The following DONSON variants were observed in gnomAD, a reference collection of about 807,000 sequenced individuals.
DONSON encodes the protein protein downstream neighbor of Son.
In DONSON, 43 loss-of-function variants were observed where a neutral mutation model predicts 62.1. The observed-to-expected ratio is 0.69, with a 90% CI of 0.54 to 0.89. The LOEUF (loss-of-function observed/expected upper bound fraction) is 0.89. DONSON is among the 40% of genes least tolerant of loss of function. The pLI is 0.00. For synonymous variants in DONSON, 266 were observed against 264.6 expected (o/e 1.01, Z -0.05); for missense variants, 696 against 697.5 (o/e 1.00, Z 0.03).
rs778020919 is a variant in DONSON, at chr21:33,588,361, G to C, written c.281C>G (p.Pro94Arg). 2.1e-5 allele frequency: 27 copies of C among 1,293,836 alleles called. No individual in the cohort carries two copies. The South Asian group carries it at 5.4e-4, about 26-fold the overall frequency. The allele number at this position is 1,293,836 out of a possible 1,614,324, so 80.1% of individuals were successfully genotyped here. ...DNRPRVAAEP[P>R]DGPAREQPEA... ...CGGCTGCTCGCGGGCCGGCCCGTCG[G>C]GGGGCTCCGCGGCGACCCGCGGTCG... The change falls in exon 1 of 10, where the codon CCC becomes CGC. Residue 94 changes from proline to arginine, a missense_variant. Pro to Arg is a moderately radical substitution (Grantham distance 103). Transcript: ENST00000303071.
chr21:33,584,508 T>C (rs1449419481), intron 4 of DONSON, 82 bp downstream of exon 4: 9 of 1,336,382 alleles, frequency 6.7e-6, no homozygotes, highest in Non-Finnish European at 8.1e-6. Flanking sequence ...GCCATTAACG[T>C]ATCCAGTCAC....
intron 4 of DONSON, 59 bp downstream of exon 4, chr21:33,584,531 G>A (rs2086556625): frequency 2.8e-6 from 4 of 1,441,438 alleles, no homozygotes; most frequent in Non-Finnish European, 3.7e-6. Context: ...ATATGATAGA[G>A]AATGCTGCTA....
In DONSON at chr21:33,579,659, CTCTTT is replaced by C. The variant is rs573093753; in HGVS notation, c.1351-102_1351-98del. The stretch of plus-strand genomic sequence containing the variant: ...AATATATTTCCATTTGGGGTTTCCT[CTCTTT>C]TAACAATTATGGAATAAAACTATTT... On this transcript the variant is annotated intron_variant, in intron 8 of 9. Coordinates refer to ENST00000303071, the MANE Select transcript of DONSON (RefSeq NM_017613.4). 395 of 932,022 alleles carry C rather than the reference CTCTTT, an allele frequency of 4.2e-4. No individual in the cohort carries two copies. The African/African-American group carries it at 4.9e-3, about 12-fold the overall frequency. 57.7% of individuals were successfully genotyped at this position (932,022 alleles called of 1,614,324 possible).
At chr21:33,583,220 A>AAAAAAAAAAAAAAAAAAC (rs2086536425) in intron 5 of DONSON, among the ~76,000 whole-genome samples, 1 of 138,558 alleles carries the variant, frequency 7.2e-6, no homozygotes, top group Non-Finnish European at 1.5e-5. Flanking sequence ...AAAAAAAAAA[A>AAAAAAAAAAAAAAAAAAC]AAAAAGAATG....
chr21:33,586,487 TC>T (rs1015692025), intron 2 of DONSON, among the ~76,000 whole-genome samples: 37 of 152,308 alleles, frequency 2.4e-4, no homozygotes, highest in Non-Finnish European at 4.3e-4. Flanking sequence ...GTAGAAATAT[TC>T]CAAGTGTTAA....
rs1213335897 is a variant in DONSON, at chr21:33,578,456, T to C, written c.1564-12A>G. 5 of 1,610,300 alleles carry C rather than the reference T, an allele frequency of 3.1e-6. No homozygotes were observed. In the Admixed American group the frequency reaches 6.7e-5, roughly 22 times the overall value. ...TTATGAACAACCTCCTGTGGAAATG[T>C]GTGTACAAGTCAGTAAAAAGCACAT... On this transcript the variant is annotated splice_polypyrimidine_tract_variant and intron_variant, in intron 9 of 9. Transcript: ENST00000303071.
Position 33,579,250 on chromosome 21 carries a change from C to G in DONSON, c.1563+100G>C, listed in dbSNP as rs1229026804. 5 of 873,182 alleles carry G rather than the reference C, an allele frequency of 5.7e-6. No individual in the cohort carries two copies. In the African/African-American group the frequency reaches 6.7e-5, roughly 12 times the overall value. 54.1% of individuals were successfully genotyped at this position (873,182 alleles called of 1,614,324 possible). On this transcript the variant is annotated intron_variant, in intron 9 of 9. Transcript: ENST00000303071. ...TCATAATTAAGTAACAGTTTAATTA[C>G]TTGAAACACAATAGTGACTCAGCAT... is the stretch of plus-strand genomic sequence containing the variant.
Position 33,581,422 on chromosome 21 carries a change from T to G in DONSON, c.1230A>C (p.Thr410=). Residue 410 remains threonine (T), a synonymous_variant, in exon 8 of 10, where the codon ACA becomes ACC. Coordinates refer to ENST00000303071, the MANE Select transcript of DONSON (RefSeq NM_017613.4). ...TAGAGTTAATCAAAAAATTGAGCAATGTAAAGGTGTTGATTCCTTTTACCA... is the reference window on the plus strand; with the variant it reads ...TAGAGTTAATCAAAAAATTGAGCAAGGTAAAGGTGTTGATTCCTTTTACCA... ...VVLVKGINTF[T]LLNFLINSKS... 1 of 1,614,122 alleles carries G rather than the reference T, an allele frequency of 6.2e-7. No individual in the cohort carries two copies. The highest frequency in any genetic ancestry group is 1.1e-5 in the South Asian group (1 of 91,084).
At chr21:33,588,006 T>C (rs566356651) in intron 1 of DONSON, among the ~76,000 whole-genome samples, 107 of 152,280 alleles carry the variant, frequency 7.0e-4, no homozygotes, top group African/African-American at 2.5e-3. Flanking sequence ...TCAGGGTTTT[T>C]CGAGCTCTTT....
chr21:33,583,344 G>C (rs2086538494), intron 5 of DONSON, 144 bp downstream of exon 5: 2 of 721,764 alleles, frequency 2.8e-6, no homozygotes, highest in Admixed American at 3.4e-5. Context: ...GTGGGGGAGG[G>C]AAAAAAAGCC....
At chr21:33,585,387 ATTTTTTTT>A (rs773327167) in intron 3 of DONSON, among the ~76,000 whole-genome samples, 13 of 109,818 alleles carry the variant, frequency 1.2e-4, no homozygotes, top group African/African-American at 4.5e-4. Flanking sequence ...TGCTCAGCTA[ATTTTTTTT>A]TTTTTTTTTT....
In DONSON at chr21:33,584,106, G is replaced by A. The variant is rs539278645; in HGVS notation, c.786-440C>T. Among the ~76,000 whole-genome samples, 594 of 146,814 alleles carry A rather than the reference G, an allele frequency of 4.0e-3. 4 individuals carry two copies. The highest frequency in any genetic ancestry group is 0.014 in the African/African-American group (568 of 39,952). On this transcript the variant is annotated intron_variant, in intron 4 of 9. Transcript: ENST00000303071. ...GTCGCCCAGGCTGGAGTGCAGTGGC[G>A]CGATCTCGGCTCACTGCAAGCTCTG...
chr21:33,584,415 G>T (rs1302274988), intron 4 of DONSON, among the ~76,000 whole-genome samples, 175 bp downstream of exon 4: 3 of 147,370 alleles, frequency 2.0e-5, no homozygotes, highest in Admixed American at 6.7e-5. Flanking sequence ...ATGAGTAACA[G>T]CTAAAAAAAA....
rs755233585 is a variant in DONSON, at chr21:33,579,560, T to C, written c.1353A>G (p.Ala451=). The change falls in exon 9 of 10, where the codon GCA becomes GCG. Residue 451 remains alanine, a splice_region_variant and synonymous_variant. Transcript: ENST00000303071. ...CTTGTGTCTTCACATTCACACTCCGTGCCTTCATGAAAATGTAAAGAAAAG... is the reference window on the plus strand; with the variant it reads ...CTTGTGTCTTCACATTCACACTCCGCGCCTTCATGAAAATGTAAAGAAAAG... ...FRGATMQMLK[A]RSVNVKTQAL... is the part of the protein sequence containing the mutation. 1 of 1,609,932 alleles carries C rather than the reference T, an allele frequency of 6.2e-7. No individual in the cohort carries two copies. The highest frequency in any genetic ancestry group is 1.1e-5 in the South Asian group (1 of 90,836).
chr21:33,578,527 C>T, intron 9 of DONSON, 83 bp from the exon 10 acceptor site: 4 of 1,374,540 alleles, frequency 2.9e-6, no homozygotes, highest in Non-Finnish European at 3.9e-6. Flanking sequence ...TGGAGACTGA[C>T]AAATAAATGG....
At chr21:33,582,377 G>T in intron 5 of DONSON, 131 bp from the exon 6 acceptor site, 1 of 712,204 alleles carries the variant, frequency 1.4e-6, no homozygotes, top group Non-Finnish European at 2.3e-6. Flanking sequence ...GAGTTTTCAA[G>T]CTTTCTTCAC....
intron 1 of DONSON, among the ~76,000 whole-genome samples, chr21:33,587,968 G>C (rs1261344961): frequency 6.6e-6 from 1 of 152,168 alleles, no homozygotes; most frequent in African/African-American, 2.4e-5. Context: ...CTGCCCCATC[G>C]AACAGCGTCC....
chr21:33,581,317 T>C lies in DONSON; in HGVS notation c.1335A>G (p.Thr445=). 6.2e-7 allele frequency: 1 copy of C among 1,614,158 alleles called. No individual in the cohort carries two copies. The highest frequency in any genetic ancestry group is 1.1e-5 in the South Asian group (1 of 91,082). Residue 445 remains threonine, a synonymous_variant, in exon 8 of 10, where the codon ACA becomes ACG. Transcript: ENST00000303071. ...CTTTTATTACCTTAAGCATTTGCAT[T>C]GTGGCACCTCGGAAAGCAACAGGGG... ...LLSPVAFRGA[T]MQMLKARSVN...
In DONSON at chr21:33,588,017, T is replaced by C. The variant is rs536288936; in HGVS notation, c.321+304A>G. 2.4e-3 allele frequency among the ~76,000 whole-genome samples: 361 copies of C among 152,278 alleles called. 1 individual carries two copies. Among genetic ancestry groups the C allele is most frequent in the African/African-American group, 8.4e-3 (347 of 41,548 alleles). Reference sequence around the variant, plus strand: ...GCTCTCAGGGTTTTTCGAGCTCTTTTCCAAGTCACCTCTAAGTCCTCTCCA... The same window carrying C: ...GCTCTCAGGGTTTTTCGAGCTCTTTCCCAAGTCACCTCTAAGTCCTCTCCA... On this transcript the variant is annotated intron_variant, in intron 1 of 9. Transcript: ENST00000303071.
Sources: gnomAD v4.1 joint callset for allele counts (sites outside exome capture counted in the v4.1 genomes callset) on GRCh38, gnomAD v4.1.1 for gene constraint, MANE v1.5 for transcripts, NCBI Gene and HGNC (gene_info 2026-07-23, HGNC 2026-07-21) for gene names.